HPRT1: variants seen among roughly 807,000 people sequenced by gnomAD.
HPRT1 encodes hypoxanthine phosphoribosyltransferase 1.
A neutral mutation model predicts 19.0 loss-of-function variants in HPRT1; 4 were observed. The ratio of observed to expected loss-of-function variants is 0.21; its 90% CI spans 0.10 to 0.48. HPRT1 has a LOEUF of 0.48. Ranked by LOEUF, HPRT1 falls within the 20% of genes least tolerant of loss-of-function variation. HPRT1 has a pLI of 0.98. For missense variants in HPRT1, 65 were observed against 164.0 expected (o/e 0.40, Z 3.30); for synonymous variants, 53 against 54.9 (o/e 0.97, Z 0.15).
intron 1 of HPRT1, among the ~76,000 whole-genome samples, chrX:134,462,026 A>G (rs1422773771): frequency 9.0e-6 from 1 of 111,207 alleles, no homozygotes; most frequent in African/African-American, 3.3e-5. Flanking sequence ...GATGGAGTGC[A>G]GTGGCACAAT....
intron 3 of HPRT1, among the ~76,000 whole-genome samples, chrX:134,483,214 A>G (rs759327497): frequency 1.8e-5 from 2 of 109,224 alleles, no homozygotes; most frequent in Non-Finnish European, 3.8e-5. Context: ...TTATAGTTCA[A>G]CCTCCCTGTT....
At chrX:134,491,259 A>G (rs961703634) in intron 5 of HPRT1, among the ~76,000 whole-genome samples, 10 of 109,967 alleles carry the variant, frequency 9.1e-5, no homozygotes, top group Non-Finnish European at 1.7e-4. Context: ...TTTTGTATAA[A>G]TAGAATCATA....
At chrX:134,484,233 C>G (rs552882073) in intron 3 of HPRT1, among the ~76,000 whole-genome samples, 49 of 112,431 alleles carry the variant, frequency 4.4e-4, no homozygotes, top group African/African-American at 1.6e-3. Context: ...TACCAGGTAT[C>G]TCCAGAAGAT....
At chrX:134,467,186 G>T (rs1009185421) in intron 1 of HPRT1, among the ~76,000 whole-genome samples, 1 of 109,574 alleles carries the variant, frequency 9.1e-6, no homozygotes, top group Non-Finnish European at 1.9e-5. Context: ...AAGTAACTGG[G>T]ACTACAGGCA....
rs764824296 is a variant in HPRT1 at position 134,486,680 on chromosome X, C to A, written c.384+150C>A. 3 of 477,525 alleles carry A rather than the reference C, an allele frequency of 6.3e-6. No homozygotes were observed. The African/African-American group carries it at 7.2e-5, about 11-fold the overall frequency. 39.4% of individuals were successfully genotyped at this position (477,525 alleles called of 1,213,427 possible). A position where few individuals can be genotyped will look rare whatever the true frequency, so the allele number is the denominator to read the frequency against. ...GAAGCAGTCTAGGTTAATTATCGTT[C>A]CCTAGGTCATGTAGTAAAAAGACAG... is the stretch of plus-strand genomic sequence containing the variant. On this transcript the variant is annotated intron_variant, in intron 4 of 8. Transcript: ENST00000298556.
chrX:134,481,097 A>G (rs748863705), intron 3 of HPRT1, among the ~76,000 whole-genome samples: 2 of 105,552 alleles, frequency 1.9e-5, no homozygotes, highest in Middle Eastern at 4.9e-3. Flanking sequence ...ATAGTTACCC[A>G]TTTTTTTTTT....
chrX:134,468,812 A>AGAG (rs2077603863), intron 1 of HPRT1, among the ~76,000 whole-genome samples: 1 of 111,978 alleles, frequency 8.9e-6, no homozygotes, highest in African/African-American at 3.2e-5. Flanking sequence ...ATATGAATTA[A>AGAG]GAGGACTTAG....
chrX:134,494,271 TAA>T (rs1489924702), intron 6 of HPRT1, among the ~76,000 whole-genome samples: 1 of 112,348 alleles, frequency 8.9e-6, no homozygotes, highest in African/African-American at 3.2e-5. Context: ...CTTAAGTTTT[TAA>T]TAGAGTGACA....
chrX:134,499,673 G>A (rs999136654), intron 8 of HPRT1, among the ~76,000 whole-genome samples: 2 of 106,212 alleles, frequency 1.9e-5, no homozygotes, highest in South Asian at 4.2e-4. Flanking sequence ...GGGTGGTGGC[G>A]GGCGCCTATA....
chrX:134,483,441 G>C (rs978632319), intron 3 of HPRT1, among the ~76,000 whole-genome samples: 2 of 111,442 alleles, frequency 1.8e-5, no homozygotes, highest in Non-Finnish European at 3.8e-5. Context: ...AGACATTAAG[G>C]GTATGTGTTT....
chrX:134,485,750 G>T (rs1159988861), intron 3 of HPRT1, among the ~76,000 whole-genome samples: 2 of 111,825 alleles, frequency 1.8e-5, no homozygotes, highest in Non-Finnish European at 3.8e-5. Flanking sequence ...GCAAGTCGAA[G>T]CTCTTTTGTT....
intron 3 of HPRT1, among the ~76,000 whole-genome samples, chrX:134,481,505 CTCTATCTATCTATCTATCTA>C (rs35832135): frequency 6.1e-4 from 59 of 96,148 alleles, no homozygotes; most frequent in Middle Eastern, 4.7e-3. Flanking sequence ...ATCTGTCTAT[CTCTATCTATCTATCTATCTA>C]TCTATCTATC....
At chrX:134,467,041 C>CTTTTTTTTTTTTTTTTTT (rs779817345) in intron 1 of HPRT1, among the ~76,000 whole-genome samples, 1 of 61,010 alleles carries the variant, frequency 1.6e-5, no homozygotes. Context: ...AGATTTTAAG[C>CTTTTTTTTTTTTTTTTTT]TTTTTTTTTT....
At chrX:134,499,993 A>G (rs759051741) in intron 8 of HPRT1, 37 bp from the exon 9 acceptor site, 163 of 947,097 alleles carry the variant, frequency 1.7e-4, no homozygotes, top group Non-Finnish European at 2.4e-4. Flanking sequence ...TTCAGAATAT[A>G]CTTTTTAAAT....
At chrX:134,460,368 G>C (rs1211171138) in intron 1 of HPRT1, 30 bp downstream of exon 1, 2 of 1,062,807 alleles carry the variant, frequency 1.9e-6, no homozygotes, top group African/African-American at 1.9e-5. Context: ...GGCCCTGGCC[G>C]GTTCAGGCCC....
At position 134,460,315 on chromosome X, in the gene HPRT1, G is replaced by T. The variant is rs1268131832; in HGVS notation, c.4G>T (p.Ala2Ser). 4 of 1,131,098 alleles carry T rather than the reference G, an allele frequency of 3.5e-6. No individual in the cohort carries two copies. The highest frequency in any genetic ancestry group is 5.2e-5 in the Admixed American group (2 of 38,255). 93.2% of individuals were successfully genotyped at this position (1,131,098 alleles called of 1,213,427 possible). A position where few individuals can be genotyped will look rare whatever the true frequency, so the allele number is the denominator to read the frequency against. Residue 2 changes from alanine (A) to serine (S), a missense_variant, in exon 1 of 9, where the codon GCG (alanine) becomes TCG (serine). Physicochemically the swap from Ala to Ser is moderately conservative, Grantham distance 99 (BLOSUM62 1). This residue lies in a region of HPRT1 where 23 missense variants were observed against 29.3 expected (regional missense o/e 0.79). Transcript: ENST00000298556. ...CCGCGCGCCGGCCGGCTCCGTTATG[G>T]CGACCCGCAGCCCTGGCGTCGTGGT... Reference protein sequence around the residue: MATRSPGVVISD... With the variant: MSTRSPGVVISD...
chrX:134,491,976 AAT>A (rs1170401079), intron 5 of HPRT1, among the ~76,000 whole-genome samples: 1 of 98,388 alleles, frequency 1.0e-5, no homozygotes, highest in Non-Finnish European at 2.0e-5. Flanking sequence ...CACATATATA[AAT>A]ATATATACAT....
intron 5 of HPRT1, among the ~76,000 whole-genome samples, chrX:134,490,589 A>T (rs1224561960): frequency 9.3e-6 from 1 of 107,103 alleles, no homozygotes; most frequent in East Asian, 2.9e-4. Context: ...ACTATTTTCC[A>T]TGTGTTATTA....
At chrX:134,460,578 T>C (rs1459351664) in intron 1 of HPRT1, 1 of 225,220 alleles carries the variant, frequency 4.4e-6, no homozygotes, top group African/African-American at 3.0e-5. Context: ...GAGGACTGCG[T>C]GTGGGAAGAG....
Sources: allele counts gnomAD v4.1 joint callset (sites outside exome capture counted in the v4.1 genomes callset), GRCh38; gene constraint gnomAD v4.1.1; regional missense constraint gnomAD v4.1.1; transcripts MANE v1.5; gene names NCBI Gene and HGNC (gene_info 2026-07-23, HGNC 2026-07-21).